MARCHF1: variants seen among roughly 807,000 people sequenced by gnomAD.
MARCHF1 encodes E3 ubiquitin-protein ligase MARCHF1.
A neutral mutation model predicts 54.2 loss-of-function variants in MARCHF1; 40 were observed. That is an observed-to-expected ratio of 0.74 (90% CI 0.57 to 0.96). The LOEUF (loss-of-function observed/expected upper bound fraction) is 0.96. Ranked by LOEUF, MARCHF1 falls within the 40% of genes least tolerant of loss-of-function variation. The probability of loss-of-function intolerance (pLI) is 0.00; values close to 1 mark genes in which losing one functional copy is unlikely to be tolerated. For synonymous variants in MARCHF1, 236 were observed against 236.3 expected (o/e 1.00, Z 0.01); for missense variants, 586 against 656.5 (o/e 0.89, Z 1.17).
In MARCHF1 at chr4:163,994,733, GCACACATACA is replaced by G. The variant is rs1309450118; in HGVS notation, c.-247-6034_-247-6025del. Among the ~76,000 whole-genome samples, 166 of 94,396 alleles carry G rather than the reference GCACACATACA, an allele frequency of 1.8e-3. 1 individual carries two copies. The highest frequency in any genetic ancestry group is 5.1e-3 in the African/African-American group (127 of 24,858). 61.9% of individuals were successfully genotyped at this position (94,396 alleles called of 152,430 possible). ...TCCTGGACCTAACAGTCCTAATCAA[GCACACATACA>G]CACACACACACACACACACACACAC... On this transcript the variant is annotated intron_variant, in intron 2 of 9. Coordinates refer to ENST00000514618, the MANE Select transcript of MARCHF1 (RefSeq NM_001394959.1).
intron 1 of MARCHF1, among the ~76,000 whole-genome samples, chr4:164,359,391 G>A (rs1730658987): frequency 6.6e-6 from 1 of 152,110 alleles, no homozygotes; most frequent in Non-Finnish European, 1.5e-5. Flanking sequence ...CTTCCATCAA[G>A]CTACTATTTC....
intron 9 of MARCHF1, among the ~76,000 whole-genome samples, chr4:163,544,061 G>C (rs1738811286): frequency 6.6e-6 from 1 of 152,134 alleles, no homozygotes; most frequent in South Asian, 2.1e-4. Flanking sequence ...TAAGACATTG[G>C]GTGAAGCGAG....
At chr4:163,782,791 G>A (rs1437095313) in intron 4 of MARCHF1, among the ~76,000 whole-genome samples, 1 of 152,064 alleles carries the variant, frequency 6.6e-6, no homozygotes, top group Non-Finnish European at 1.5e-5. Context: ...AGTCAGACAA[G>A]TGTAGCAGTA....
intron 1 of MARCHF1, among the ~76,000 whole-genome samples, chr4:164,186,436 C>T (rs77991653): frequency 0.16 from 23,871 of 152,100 alleles, 2,650 homozygotes; most frequent in African/African-American, 0.3. Flanking sequence ...TGCTCACTTC[C>T]AACTTTCTAC....
At chr4:163,669,790 G>A (rs927303767) in intron 5 of MARCHF1, among the ~76,000 whole-genome samples, 3 of 151,970 alleles carry the variant, frequency 2.0e-5, no homozygotes, top group Non-Finnish European at 2.9e-5. Context: ...GTAGAGACAG[G>A]GTTTCACCAT....
At chr4:163,769,364 A>G (rs904677815) in intron 4 of MARCHF1, among the ~76,000 whole-genome samples, 11 of 152,206 alleles carry the variant, frequency 7.2e-5, no homozygotes, top group Non-Finnish European at 2.9e-5. Flanking sequence ...AAGAAGTAGT[A>G]TAATAGATAC....
intron 1 of MARCHF1, among the ~76,000 whole-genome samples, chr4:164,221,868 G>A (rs1000377006): frequency 6.6e-6 from 1 of 151,892 alleles, no homozygotes; most frequent in Admixed American, 6.6e-5. Flanking sequence ...CTAATCACTC[G>A]CCCAGTAGAG....
chr4:163,540,782 G>A (rs1005476920), intron 9 of MARCHF1, among the ~76,000 whole-genome samples: 3 of 152,230 alleles, frequency 2.0e-5, no homozygotes, highest in African/African-American at 7.2e-5. Flanking sequence ...AGCGCTTTGG[G>A]AGGCTGAGGC....
At chr4:164,209,747 C>A (rs1731713000) in intron 1 of MARCHF1, among the ~76,000 whole-genome samples, 1 of 152,062 alleles carries the variant, frequency 6.6e-6, no homozygotes, top group Non-Finnish European at 1.5e-5. Context: ...AAAATTAGTT[C>A]TCTTCATTTA....
intron 5 of MARCHF1, among the ~76,000 whole-genome samples, chr4:163,642,426 T>C (rs1742587233): frequency 6.6e-6 from 1 of 152,230 alleles, no homozygotes; most frequent in African/African-American, 2.4e-5. Context: ...CCAATTAATA[T>C]GTATAATTGT....
At chr4:163,969,064 A>C (rs1752499079) in intron 3 of MARCHF1, among the ~76,000 whole-genome samples, 1 of 152,154 alleles carries the variant, frequency 6.6e-6, no homozygotes, top group Non-Finnish European at 1.5e-5. Context: ...CAGCAGATAC[A>C]CAGTAAGGTG....
chr4:164,134,118 T>G (rs1365258094), intron 1 of MARCHF1, among the ~76,000 whole-genome samples: 1 of 152,186 alleles, frequency 6.6e-6, no homozygotes, highest in African/African-American at 2.4e-5. Flanking sequence ...TTTTTTAATC[T>G]TTCTAAAAAT....
intron 4 of MARCHF1, among the ~76,000 whole-genome samples, chr4:163,847,683 C>T (rs965127881): frequency 2.0e-5 from 3 of 149,360 alleles, no homozygotes; most frequent in Non-Finnish European, 3.0e-5. Context: ...TGGGTTCAAG[C>T]GATTCACCTG....
At chr4:164,276,354 C>T (rs995635413) in intron 1 of MARCHF1, among the ~76,000 whole-genome samples, 2 of 152,098 alleles carry the variant, frequency 1.3e-5, no homozygotes, top group African/African-American at 4.8e-5. Flanking sequence ...CCTCAGCTTT[C>T]TCCATTCAGC....
intron 2 of MARCHF1, among the ~76,000 whole-genome samples, chr4:164,066,386 T>C (rs1754730992): frequency 6.6e-6 from 1 of 152,112 alleles, no homozygotes; most frequent in Non-Finnish European, 1.5e-5. Flanking sequence ...GGTGAGGTTG[T>C]GGAGAAAAAG....
At chr4:163,571,930 A>C (rs1739853652) in intron 8 of MARCHF1, among the ~76,000 whole-genome samples, 1 of 152,122 alleles carries the variant, frequency 6.6e-6, no homozygotes, top group Non-Finnish European at 1.5e-5. Flanking sequence ...ACTTATAAGG[A>C]AAAAAGTAAG....
In MARCHF1 at chr4:164,146,162, A is replaced by G. The variant is rs368429804; in HGVS notation, c.-322-34500T>C. 3.3e-3 allele frequency among the ~76,000 whole-genome samples: 464 copies of G among 140,626 alleles called. 1 individual carries two copies. The highest frequency in any genetic ancestry group is 0.019 in the East Asian group (93 of 4,916). The allele number at this position is 140,626 out of a possible 152,430, so 92.3% of individuals were successfully genotyped here. ...GGAGAACTACAAACCACTGCTCAAG[A>G]AAATAAAAGAGGATACAAACAAATG... is the stretch of plus-strand genomic sequence containing the variant. On this transcript the variant is annotated intron_variant, in intron 1 of 9. Coordinates refer to ENST00000514618, the MANE Select transcript of MARCHF1 (RefSeq NM_001394959.1).
At chr4:163,604,012 C>A (rs957802574) in intron 7 of MARCHF1, among the ~76,000 whole-genome samples, 2 of 152,124 alleles carry the variant, frequency 1.3e-5, no homozygotes, top group African/African-American at 4.8e-5. Context: ...TTTCTGTCTG[C>A]CTTTTCGGCT....
intron 2 of MARCHF1, among the ~76,000 whole-genome samples, chr4:164,038,013 A>G (rs2111010759): frequency 6.6e-6 from 1 of 152,256 alleles, no homozygotes; most frequent in African/African-American, 2.4e-5. Context: ...TGGCCATGAA[A>G]CTGCACCATG....
Sources: allele counts gnomAD v4.1 joint callset (sites outside exome capture counted in the v4.1 genomes callset), GRCh38; gene constraint gnomAD v4.1.1; transcripts MANE v1.5; gene names NCBI Gene and HGNC (gene_info 2026-07-23, HGNC 2026-07-21).